DYNC1H1: variants seen among roughly 807,000 people sequenced by gnomAD.
The protein encoded by DYNC1H1 is dynein cytoplasmic 1 heavy chain 1.
In DYNC1H1, 51 loss-of-function variants were observed where a neutral mutation model predicts 527.1. The observed-to-expected ratio is 0.10, with a 90% CI of 0.08 to 0.12. The LOEUF (loss-of-function observed/expected upper bound fraction) is 0.12. DYNC1H1 is among the 10% of genes least tolerant of loss of function. DYNC1H1 has a pLI of 1.00. For missense variants in DYNC1H1, 2,771 were observed against 5,971.8 expected (o/e 0.46, Z 17.66); for synonymous variants, 2,189 against 2,278.8 (o/e 0.96, Z 1.12).
intron 1 of DYNC1H1, among the ~76,000 whole-genome samples, chr14:101,971,159 G>C (rs966942439): frequency 7.5e-6 from 1 of 132,984 alleles, no homozygotes; most frequent in Non-Finnish European, 1.5e-5. Flanking sequence ...GTGCAGCGCT[G>C]CAGTCTCAGC....
chr14:101,975,116 G>A lies in DYNC1H1; in HGVS notation c.257-596G>A, dbSNP rs17511900. On this transcript the variant is annotated intron_variant, in intron 1 of 77. Coordinates refer to ENST00000360184, the MANE Select transcript of DYNC1H1 (RefSeq NM_001376.5). The stretch of plus-strand genomic sequence containing the variant: ...CATTGTGGTGAGGAGCCTGGACTTC[G>A]GAATCACAAACTTCTGAATTCTCAC... 1.5e-3 allele frequency among the ~76,000 whole-genome samples: 234 copies of A among 152,238 alleles called. 7 individuals are homozygous for A. In the East Asian group the frequency reaches 0.039, roughly 25 times the overall value.
Position 102,044,441 on chromosome 14 carries a change from G to A in DYNC1H1, c.12852G>A (p.Leu4284=). 1 of 1,614,224 alleles carries A rather than the reference G, an allele frequency of 6.2e-7. No homozygotes were observed. Among genetic ancestry groups the A allele is most frequent in the Non-Finnish European group, 8.5e-7 (1 of 1,180,046 alleles). The change falls in exon 71 of 78, where the codon CTG becomes CTA. Residue 4284 remains leucine, a synonymous_variant. Transcript: ENST00000360184. The surrounding 1 kb of genome is among the most constrained non-coding windows in gnomAD (Gnocchi z 7.1). ...TTRSFDSEFK[L]ACKVDGHKDI... ...GGAGTTTCGACAGTGAGTTTAAGCT[G>A]GCATGCAAGGTCGACGGACATAAAG... is the stretch of plus-strand genomic sequence containing the variant.
At chr14:102,045,895 G>A (rs1206846919) in intron 72 of DYNC1H1, among the ~76,000 whole-genome samples, 1 of 151,998 alleles carries the variant, frequency 6.6e-6, no homozygotes, top group Non-Finnish European at 1.5e-5. Flanking sequence ...AGCCGGGCAC[G>A]GTGGCTCAAG....
Position 102,020,573 on chromosome 14 carries a change from TG to T in DYNC1H1, c.8507+521del, listed in dbSNP as rs1056386420. 5.9e-5 allele frequency among the ~76,000 whole-genome samples: 9 copies of T among 152,218 alleles called. No homozygotes were observed. Among genetic ancestry groups the T allele is most frequent in the Non-Finnish European group, 1.2e-4 (8 of 68,034 alleles). On this transcript the variant is annotated intron_variant, in intron 42 of 77. Coordinates refer to ENST00000360184, the MANE Select transcript of DYNC1H1 (RefSeq NM_001376.5). The surrounding 1 kb of genome is among the most constrained non-coding windows in gnomAD (Gnocchi z 4.3). ...ATCAAAGGCTTTGCAGCTGCAGCTCTGGGGCACTGGTTTTCTCTTTTACCTG... is the reference window on the plus strand; with the variant it reads ...ATCAAAGGCTTTGCAGCTGCAGCTCTGGGCACTGGTTTTCTCTTTTACCTG...
rs750945941 is a variant in DYNC1H1 at position 102,002,653 on chromosome 14, C to A, written c.4659C>A (p.Gly1553=). Residue 1553 remains glycine (G), a synonymous_variant, in exon 22 of 78, where the codon GGC becomes GGA. Transcript: ENST00000360184. The surrounding 1 kb of genome is among the most constrained non-coding windows in gnomAD (Gnocchi z 4.4). ...TCTACCTGGAAGGTATCTTCACAGG[C>A]AGTGCAGATATCAAGCACCTGCTGC... The part of the protein sequence containing the change: ...RWVYLEGIFT[G]SADIKHLLPV... 1.2e-6 allele frequency: 2 copies of A among 1,614,200 alleles called. No homozygotes were observed. The highest frequency in any genetic ancestry group is 1.7e-5 in the Admixed American group (1 of 60,024).
At position 101,986,857 on chromosome 14, in the gene DYNC1H1, T is replaced by C. The variant is rs2047943641; in HGVS notation, c.2538+94T>C. The C allele has an allele frequency of 4.2e-6, 6 of 1,430,290 alleles. No individual in the cohort carries two copies. The highest frequency in any genetic ancestry group is 5.9e-6 in the Non-Finnish European group (6 of 1,017,662). 88.6% of individuals were successfully genotyped at this position (1,430,290 alleles called of 1,614,324 possible). A position where few individuals can be genotyped will look rare whatever the true frequency, so the allele number is the denominator to read the frequency against. ...AACACTAGTTCTCCCGAAGAAGGCATGCATGGTTGATGCAGCATACGGCCA... is the reference window on the plus strand; with the variant it reads ...AACACTAGTTCTCCCGAAGAAGGCACGCATGGTTGATGCAGCATACGGCCA... On this transcript the variant is annotated intron_variant, in intron 8 of 77. Transcript: ENST00000360184. The surrounding 1 kb of genome is among the most constrained non-coding windows in gnomAD (Gnocchi z 8.7).
intron 74 of DYNC1H1, chr14:102,048,893 A>C (rs537228691): frequency 1.6e-6 from 1 of 612,280 alleles, no homozygotes; most frequent in East Asian, 3.0e-5. Flanking sequence ...ATGTTGACCA[A>C]AATCTTTACA....
chr14:102,014,537 A>G (rs1447343475), intron 34 of DYNC1H1, among the ~76,000 whole-genome samples: 3 of 151,916 alleles, frequency 2.0e-5, no homozygotes, highest in Non-Finnish European at 1.5e-5. Flanking sequence ...TCTCAAAAAA[A>G]AAAAAAAACA....
At chr14:101,982,185 C>T (rs2141271592) in intron 5 of DYNC1H1, among the ~76,000 whole-genome samples, 1 of 152,284 alleles carries the variant, frequency 6.6e-6, no homozygotes, top group African/African-American at 2.4e-5. Flanking sequence ...AATCTAATGC[C>T]TGATGATCTG....
In DYNC1H1 at chr14:102,051,296, T is replaced by G. The variant is rs1389925652; in HGVS notation, c.*733T>G. ...TGGGCGTGGTGGCTCATGCCTGTAA[T>G]CCCAGCACTTTGGGAGGCCGAGGCG... On this transcript the variant is annotated 3_prime_UTR_variant, in exon 78 of 78. Coordinates refer to ENST00000360184, the MANE Select transcript of DYNC1H1 (RefSeq NM_001376.5). 2.0e-5 allele frequency: 3 copies of G among 152,610 alleles called. No homozygotes were observed. Among genetic ancestry groups the G allele is most frequent in the Non-Finnish European group, 4.3e-5 (3 of 69,292 alleles). The allele number at this position is 152,610 out of a possible 1,614,324, so 9.5% of individuals were successfully genotyped here.
intron 1 of DYNC1H1, among the ~76,000 whole-genome samples, chr14:101,968,304 T>C (rs1188262592): frequency 1.3e-5 from 2 of 151,954 alleles, no homozygotes; most frequent in East Asian, 3.9e-4. Context: ...TGTTTTGTTT[T>C]GTTTGAGACA....
In DYNC1H1 at chr14:102,010,961, G is replaced by A. The variant is rs759798222; in HGVS notation, c.6618+9G>A. The A allele has an allele frequency of 1.2e-6, 2 of 1,614,156 alleles. No individual in the cohort carries two copies. Among genetic ancestry groups the A allele is most frequent in the Admixed American group, 1.7e-5 (1 of 60,024 alleles). On this transcript the variant is annotated intron_variant, in intron 32 of 77. Transcript: ENST00000360184. This position sits in a 1 kb window ranked among gnomAD's most constrained non-coding sequence, Gnocchi z 6.0. ...GAATGTGGGTTGAAAAGGTAACTTG[G>A]ATTGTTTCACTGGCCACTGCCCTCA...
At chr14:102,024,180 T>C (rs774017952) in intron 43 of DYNC1H1, among the ~76,000 whole-genome samples, 4 of 152,226 alleles carry the variant, frequency 2.6e-5, no homozygotes, top group East Asian at 1.9e-4. Flanking sequence ...ACACTGAAAA[T>C]AGGACAATTG....
chr14:102,025,164 C>T (rs1049606491), intron 43 of DYNC1H1, among the ~76,000 whole-genome samples: 7 of 151,746 alleles, frequency 4.6e-5, no homozygotes, highest in Non-Finnish European at 2.9e-5. Context: ...GGTGAAACCC[C>T]GTCTCGCCGA....
chr14:102,005,364 T>C lies in DYNC1H1; in HGVS notation c.5433+128T>C. ...AGGAGAACAGTGGATGGTGTATGGA[T>C]ATCCTCTGAGGGTGGGCATTTGGCT... is the stretch of plus-strand genomic sequence containing the variant. On this transcript the variant is annotated intron_variant, in intron 26 of 77. Coordinates refer to ENST00000360184, the MANE Select transcript of DYNC1H1 (RefSeq NM_001376.5). The surrounding 1 kb of genome is among the most constrained non-coding windows in gnomAD (Gnocchi z 4.0). 7.7e-7 allele frequency: 1 copy of C among 1,299,926 alleles called. No homozygotes were observed. 80.5% of individuals were successfully genotyped at this position (1,299,926 alleles called of 1,614,324 possible). A position where few individuals can be genotyped will look rare whatever the true frequency, so the allele number is the denominator to read the frequency against.
chr14:102,005,259 T>G lies in DYNC1H1; in HGVS notation c.5433+23T>G. On this transcript the variant is annotated intron_variant, in intron 26 of 77. Coordinates refer to ENST00000360184, the MANE Select transcript of DYNC1H1 (RefSeq NM_001376.5). This position sits in a 1 kb window ranked among gnomAD's most constrained non-coding sequence, Gnocchi z 4.0. ...TTGGTTAGTCTCACACCTGACTCCTTCCTTACCAGTTAGACTCTTACACCC... is the reference window on the plus strand; with the variant it reads ...TTGGTTAGTCTCACACCTGACTCCTGCCTTACCAGTTAGACTCTTACACCC... 1 of 1,613,980 alleles carries G rather than the reference T, an allele frequency of 6.2e-7. No homozygotes were observed. Among genetic ancestry groups the G allele is most frequent in the African/African-American group, 1.3e-5 (1 of 75,066 alleles).
intron 42 of DYNC1H1, among the ~76,000 whole-genome samples, chr14:102,021,688 C>T (rs1197396436): frequency 3.1e-5 from 4 of 128,230 alleles, no homozygotes; most frequent in African/African-American, 1.2e-4. Flanking sequence ...AGACAAGAGT[C>T]TCGCTTTGTC....
At chr14:101,980,680 C>A in intron 5 of DYNC1H1, 130 bp downstream of exon 5, 1 of 1,062,658 alleles carries the variant, frequency 9.4e-7, no homozygotes, top group Non-Finnish European at 1.4e-6. Flanking sequence ...TCCTTTCTTA[C>A]ATCACATCTT....
At chr14:101,998,630 G>C (rs1343966170) in intron 16 of DYNC1H1, among the ~76,000 whole-genome samples, 1 of 152,270 alleles carries the variant, frequency 6.6e-6, no homozygotes, top group Non-Finnish European at 1.5e-5. Context: ...ACAAAGATCT[G>C]CTGGTTAATT....
Sources: gnomAD v4.1 joint callset for allele counts (sites outside exome capture counted in the v4.1 genomes callset) on GRCh38, gnomAD v4.1.1 for gene constraint, Gnocchi (gnomAD v3.1) non-coding constraint, MANE v1.5 for transcripts, NCBI Gene and HGNC (gene_info 2026-07-23, HGNC 2026-07-21) for gene names.